Variants in CLIP1 observed in about 807,000 individuals in gnomAD.
CLIP1 encodes CAP-Gly domain-containing linker protein 1.
Under a neutral mutation model 161.6 loss-of-function variants are expected in CLIP1, and 66 were observed. That is an observed-to-expected ratio of 0.41 (90% CI 0.33 to 0.50). The LOEUF (loss-of-function observed/expected upper bound fraction) is 0.50. CLIP1 is among the 20% of genes least tolerant of loss of function. The pLI is 0.27. For missense variants in CLIP1, 1,376 were observed against 1,702.0 expected, an observed-to-expected ratio of 0.81 and a Z score of 3.37; for synonymous variants, 598 against 626.2, an observed-to-expected ratio of 0.96 and a Z score of 0.67.
Position 122,361,049 on chromosome 12 carries a change from G to T in CLIP1, c.915C>A (p.Ala305=). The change falls in exon 5 of 26, where the codon GCC becomes GCA. Residue 305 remains alanine, a synonymous_variant. Transcript: ENST00000620786. The part of the protein sequence containing the change: ...AVRRVMATTS[A]SLKRSPSASS... ...AGGCAGAAGGGCTGCGCTTCAGGCT[G>T]GCGGACGTGGTCGCCATCACTCGCC... is the stretch of plus-strand genomic sequence containing the variant. 4 of 1,614,264 alleles carry T rather than the reference G, an allele frequency of 2.5e-6. No homozygotes were observed. The East Asian group carries it at 8.9e-5, about 36-fold the overall frequency.
intron 25 of CLIP1, among the ~76,000 whole-genome samples, chr12:122,273,651 T>TC (rs1342463915): frequency 6.6e-6 from 1 of 151,994 alleles, no homozygotes; most frequent in Non-Finnish European, 1.5e-5. Flanking sequence ...AAACATTTGT[T>TC]TTTTTTTGTT....
At chr12:122,280,169 G>A (rs939378866) in intron 21 of CLIP1, 1 of 152,170 alleles carries the variant, frequency 6.6e-6, no homozygotes, top group African/African-American at 2.4e-5. Context: ...CGCCTCCTGG[G>A]TTCAAGCGAT....
intron 1 of CLIP1, among the ~76,000 whole-genome samples, chr12:122,383,275 T>C (rs1178507782): frequency 6.6e-6 from 1 of 152,158 alleles, no homozygotes; most frequent in Non-Finnish European, 1.5e-5. Context: ...CTCCTTAAAT[T>C]ATTTCACTTG....
chr12:122,306,517 A>C (rs957352896), intron 20 of CLIP1, among the ~76,000 whole-genome samples: 1 of 152,120 alleles, frequency 6.6e-6, no homozygotes, highest in African/African-American at 2.4e-5. Context: ...TCTGTGGGAG[A>C]AGCAGAAGCA....
At chr12:122,331,390 T>C (rs1357959627) in intron 15 of CLIP1, among the ~76,000 whole-genome samples, 2 of 149,466 alleles carry the variant, frequency 1.3e-5, no homozygotes, top group African/African-American at 2.5e-5. Flanking sequence ...TCCTGGCTCA[T>C]TGCAACCTCC....
intron 20 of CLIP1, among the ~76,000 whole-genome samples, chr12:122,299,122 A>G (rs1840087028): frequency 6.6e-6 from 1 of 152,056 alleles, no homozygotes; most frequent in Admixed American, 6.6e-5. Context: ...TTCCCTTAAT[A>G]CTGCTTGTAT....
At chr12:122,314,442 G>T (rs1056508649) in intron 19 of CLIP1, among the ~76,000 whole-genome samples, 2 of 152,192 alleles carry the variant, frequency 1.3e-5, no homozygotes, top group South Asian at 4.1e-4. Flanking sequence ...CTACACTCCA[G>T]TCTGGGGAAC....
intron 12 of CLIP1, among the ~76,000 whole-genome samples, chr12:122,335,078 T>C (rs1482683621): frequency 6.6e-6 from 1 of 152,184 alleles, no homozygotes; most frequent in Non-Finnish European, 1.5e-5. Flanking sequence ...CTGTGTGAAA[T>C]GGTGAACAAA....
intron 17 of CLIP1, among the ~76,000 whole-genome samples, chr12:122,319,914 G>A (rs767311761): frequency 3.0e-4 from 45 of 152,224 alleles, no homozygotes; most frequent in African/African-American, 6.3e-4. Context: ...ATAAAAACAC[G>A]GCTGTGAATA....
chr12:122,329,419 A>G (rs1395147565), intron 15 of CLIP1, among the ~76,000 whole-genome samples: 1 of 152,066 alleles, frequency 6.6e-6, no homozygotes, highest in Non-Finnish European at 1.5e-5. Flanking sequence ...TCACGAGGTT[A>G]GGAGATTAAG....
intron 19 of CLIP1, among the ~76,000 whole-genome samples, chr12:122,316,211 ACTT>A (rs1470210211): frequency 1.4e-5 from 2 of 146,774 alleles, no homozygotes; most frequent in Non-Finnish European, 3.0e-5. Context: ...CTTTCGAGTC[ACTT>A]CTTTTTTTTT....
chr12:122,410,405 A>AT (rs149946113), intron 1 of CLIP1, among the ~76,000 whole-genome samples: 1 of 150,358 alleles, frequency 6.7e-6, no homozygotes, highest in Non-Finnish European at 1.5e-5. Flanking sequence ...GTAAAGTTAT[A>AT]TTTATTTATG....
At chr12:122,316,321 C>G (rs1951269603) in intron 19 of CLIP1, among the ~76,000 whole-genome samples, 1 of 152,054 alleles carries the variant, frequency 6.6e-6, no homozygotes, top group Non-Finnish European at 1.5e-5. Context: ...AGCGATCCTC[C>G]CACCTCAGCC....
chr12:122,370,423 C>T (rs964635188), intron 3 of CLIP1, among the ~76,000 whole-genome samples: 4 of 152,234 alleles, frequency 2.6e-5, no homozygotes, highest in East Asian at 1.9e-4. Context: ...GCATAGCAGA[C>T]GCTCAGGATA....
Position 122,284,264 on chromosome 12 carries a change from T to C in CLIP1, c.3647+4225A>G, listed in dbSNP as rs1955762019. On this transcript the variant is annotated intron_variant, in intron 21 of 25. Transcript: ENST00000620786. ...TTTCTGATGAAAATTAAGAGTGATT[T>C]TCAAGAGACATCCTCCTAAACATTG... Among the ~76,000 whole-genome samples the C allele has an allele frequency of 2.0e-5, 3 of 152,210 alleles. No individual in the cohort carries two copies. In the South Asian group the frequency reaches 6.2e-4, roughly 32 times the overall value.
At chr12:122,357,767 G>A (rs1194627403) in intron 5 of CLIP1, among the ~76,000 whole-genome samples, 1 of 149,516 alleles carries the variant, frequency 6.7e-6, no homozygotes, top group African/African-American at 2.5e-5. Context: ...CTACTGGGAA[G>A]TGAGGAGCCC....
intron 6 of CLIP1, 185 bp from the exon 7 acceptor site, chr12:122,354,741 G>C: frequency 1.7e-6 from 1 of 589,636 alleles, no homozygotes; most frequent in Non-Finnish European, 3.0e-6. Context: ...GATGATGAAA[G>C]TGATAAAGAA....
At chr12:122,385,523 G>A (rs1003227916) in intron 1 of CLIP1, among the ~76,000 whole-genome samples, 1 of 152,182 alleles carries the variant, frequency 6.6e-6, no homozygotes. Context: ...ATAGGAGGTG[G>A]TGGTTAGAGT....
At chr12:122,351,277 C>A in intron 8 of CLIP1, 134 bp from the exon 9 acceptor site, 1 of 544,514 alleles carries the variant, frequency 1.8e-6, no homozygotes, top group Non-Finnish European at 3.1e-6. Context: ...ACTATACAAC[C>A]CAGTGCTGAT....
Sources: gnomAD v4.1 joint callset for allele counts (sites outside exome capture counted in the v4.1 genomes callset) on GRCh38, gnomAD v4.1.1 for gene constraint, MANE v1.5 for transcripts, NCBI Gene and HGNC (gene_info 2026-07-23, HGNC 2026-07-21) for gene names.